TTC7B: variants seen among roughly 807,000 people sequenced by gnomAD.
The protein encoded by TTC7B is tetratricopeptide repeat protein 7B.
Under a neutral mutation model 106.8 loss-of-function variants are expected in TTC7B, and 28 were observed. The observed-to-expected ratio is 0.26, with a 90% CI of 0.19 to 0.36. The LOEUF is 0.36. Ranked by LOEUF, TTC7B falls within the 10% of genes least tolerant of loss-of-function variation. The pLI, the probability that TTC7B is intolerant of heterozygous loss-of-function variation, is 1.00. For synonymous variants in TTC7B, 405 were observed against 430.6 expected (o/e 0.94, Z 0.74); for missense variants, 862 against 1,076.4 (o/e 0.80, Z 2.79).
intron 6 of TTC7B, among the ~76,000 whole-genome samples, chr14:90,694,583 C>CACATATATTATAAATATATGTATA: frequency 7.3e-6 from 1 of 136,644 alleles, no homozygotes; most frequent in East Asian, 2.1e-4. Flanking sequence ...ATGTATAATA[C>CACATATATTATAAATATATGTATA]ATATATGTCA....
At chr14:90,635,816 G>T (rs536409259) in intron 15 of TTC7B, among the ~76,000 whole-genome samples, 2 of 145,754 alleles carry the variant, frequency 1.4e-5, no homozygotes, top group African/African-American at 2.5e-5. Context: ...CATCCAAAAC[G>T]TATTTTAAAA....
rs1396974996 is a variant in TTC7B at position 90,534,116 on chromosome 14, C to T, written c.*7252G>A. ...AGCAGGTGCAGAGCTGGAGTGGGTC[C>T]CCCACGGTGTGACCTTGAGGGGGGG... On this transcript the variant is annotated 3_prime_UTR_variant, in exon 20 of 20. Coordinates refer to ENST00000328459, the MANE Select transcript of TTC7B (RefSeq NM_001010854.2). 6.6e-6 allele frequency: 1 copy of T among 152,434 alleles called. No homozygotes were observed. Among genetic ancestry groups the T allele is most frequent in the Non-Finnish European group, 1.5e-5 (1 of 68,182 alleles). The allele number at this position is 152,434 out of a possible 1,614,324, so 9.4% of individuals were successfully genotyped here. A position where few individuals can be genotyped will look rare whatever the true frequency, so the allele number is the denominator to read the frequency against.
At chr14:90,768,683 C>A (rs899851261) in intron 3 of TTC7B, among the ~76,000 whole-genome samples, 1 of 152,182 alleles carries the variant, frequency 6.6e-6, no homozygotes, top group Non-Finnish European at 1.5e-5. Context: ...ACCACTAGAA[C>A]TGCCCTGCAA....
chr14:90,801,038 C>T (rs542959814), intron 1 of TTC7B, among the ~76,000 whole-genome samples: 10 of 151,264 alleles, frequency 6.6e-5, no homozygotes, highest in South Asian at 4.2e-4. Context: ...TTATGGTGCA[C>T]GCATAGTGAG....
intron 4 of TTC7B, 48 bp from the exon 5 acceptor site, chr14:90,730,244 T>C (rs1274424008): frequency 1.3e-6 from 2 of 1,571,286 alleles, no homozygotes; most frequent in Non-Finnish European, 1.7e-6. Context: ...CATCCAAGCC[T>C]ACTTCCTTCA....
intron 16 of TTC7B, among the ~76,000 whole-genome samples, chr14:90,613,133 T>G (rs1046722824): frequency 6.6e-6 from 1 of 152,248 alleles, no homozygotes; most frequent in Non-Finnish European, 1.5e-5. Flanking sequence ...CAATGGTTCA[T>G]GCCTGTCATC....
intron 4 of TTC7B, 57 bp downstream of exon 4, chr14:90,744,735 C>A: frequency 6.3e-7 from 1 of 1,574,956 alleles, no homozygotes; most frequent in Admixed American, 1.8e-5. Flanking sequence ...TCTCAGTTGT[C>A]CACTATCTGA....
chr14:90,742,835 T>C lies in TTC7B; in HGVS notation c.576+1957A>G, dbSNP rs1267268011. Among the ~76,000 whole-genome samples the C allele has an allele frequency of 1.3e-5, 2 of 152,244 alleles. No individual in the cohort carries two copies. Among genetic ancestry groups the C allele is most frequent in the East Asian group, 3.8e-4 (2 of 5,196 alleles). On this transcript the variant is annotated intron_variant, in intron 4 of 19. Transcript: ENST00000328459. This position sits in a 1 kb window ranked among gnomAD's most constrained non-coding sequence, Gnocchi z 4.1. The stretch of plus-strand genomic sequence containing the variant: ...AAGTGTATTCAGATCTACCAATTCC[T>C]ACATCACTACAGACACATGTAACAC...
intron 19 of TTC7B, among the ~76,000 whole-genome samples, chr14:90,564,554 T>C (rs1203343831): frequency 2.0e-5 from 3 of 152,200 alleles, no homozygotes; most frequent in Admixed American, 6.5e-5. Context: ...ACTTCTCCTT[T>C]GTAGCTATGA....
At chr14:90,765,278 T>G (rs1175683980) in intron 3 of TTC7B, among the ~76,000 whole-genome samples, 2 of 152,192 alleles carry the variant, frequency 1.3e-5, no homozygotes, top group East Asian at 1.9e-4. Flanking sequence ...GGGTATAGAT[T>G]AGTGGTTGAC....
intron 19 of TTC7B, among the ~76,000 whole-genome samples, chr14:90,547,629 C>T (rs531382965): frequency 6.6e-6 from 1 of 152,306 alleles, no homozygotes; most frequent in Admixed American, 6.5e-5. Context: ...AACTCCGTCG[C>T]CACTAAAAAA....
At chr14:90,567,087 C>T (rs915015980) in intron 19 of TTC7B, among the ~76,000 whole-genome samples, 5 of 152,258 alleles carry the variant, frequency 3.3e-5, no homozygotes, top group Middle Eastern at 3.4e-3. Flanking sequence ...AGCAGGCATC[C>T]GTGGATCTGT....
rs562147318 is a variant in TTC7B, at chr14:90,524,950, G to A, written c.*16418C>T. The A allele has an allele frequency of 5.3e-5, 8 of 152,038 alleles. No individual in the cohort carries two copies. Among genetic ancestry groups the A allele is most frequent in the Non-Finnish European group, 1.0e-4 (7 of 68,016 alleles). The allele number at this position is 152,038 out of a possible 1,614,324, so 9.4% of individuals were successfully genotyped here. On this transcript the variant is annotated 3_prime_UTR_variant, in exon 20 of 20. Coordinates refer to ENST00000328459, the MANE Select transcript of TTC7B (RefSeq NM_001010854.2). ...CTTATGAAGATGTGATTGGCACGTAGTAAAGCGCAAGCATTTAAAGTATAC... is the reference window on the plus strand; with the variant it reads ...CTTATGAAGATGTGATTGGCACGTAATAAAGCGCAAGCATTTAAAGTATAC...
At chr14:90,780,681 A>C in intron 3 of TTC7B, 57 bp downstream of exon 3, 1 of 1,565,670 alleles carries the variant, frequency 6.4e-7, no homozygotes, top group Middle Eastern at 2.1e-4. Flanking sequence ...GGCAGCTCCG[A>C]AGAGGCGCTG....
chr14:90,757,536 A>G lies in TTC7B; in HGVS notation c.446-12614T>C, dbSNP rs1890343574. Reference sequence around the variant, plus strand: ...CTGTCCTCTCTTTGCAAATGAGGAGATTCAAGCTCAGAGATGATTTGCCCA... The same window carrying G: ...CTGTCCTCTCTTTGCAAATGAGGAGGTTCAAGCTCAGAGATGATTTGCCCA... On this transcript the variant is annotated intron_variant, in intron 3 of 19. Transcript: ENST00000328459. This position sits in a 1 kb window ranked among gnomAD's most constrained non-coding sequence, Gnocchi z 4.1. 6.6e-6 allele frequency among the ~76,000 whole-genome samples: 1 copy of G among 152,196 alleles called. No homozygotes were observed. Among genetic ancestry groups the G allele is most frequent in the East Asian group, 1.9e-4 (1 of 5,194 alleles).
chr14:90,657,057 G>A lies in TTC7B; in HGVS notation c.1341+117C>T. On this transcript the variant is annotated intron_variant, in intron 11 of 19. Coordinates refer to ENST00000328459, the MANE Select transcript of TTC7B (RefSeq NM_001010854.2). The surrounding 1 kb of genome is among the most constrained non-coding windows in gnomAD (Gnocchi z 4.2). ...AGGGTCCGTGGCTCTACACAGTCTT[G>A]TCTTTGTACAGCTGATGAATCACCC... 2.2e-6 allele frequency: 2 copies of A among 905,970 alleles called. No individual in the cohort carries two copies. Among genetic ancestry groups the A allele is most frequent in the Admixed American group, 2.3e-5 (1 of 43,132 alleles). 56.1% of individuals were successfully genotyped at this position (905,970 alleles called of 1,614,324 possible). A position where few individuals can be genotyped will look rare whatever the true frequency, so the allele number is the denominator to read the frequency against.
chr14:90,553,913 T>C (rs2139775274), intron 19 of TTC7B, among the ~76,000 whole-genome samples: 1 of 152,374 alleles, frequency 6.6e-6, no homozygotes, highest in Admixed American at 6.5e-5. Context: ...AAAGCTGCTT[T>C]CTTCCAGGAT....
intron 17 of TTC7B, 93 bp from the exon 18 acceptor site, chr14:90,593,719 C>CA (rs1892076762): frequency 8.1e-7 from 1 of 1,229,610 alleles, no homozygotes; most frequent in Non-Finnish European, 1.1e-6. Context: ...GGAACACACA[C>CA]ACCCCTTCCC....
chr14:90,697,358 A>G (rs1394519844), intron 5 of TTC7B: 1 of 147,094 alleles, frequency 6.8e-6, no homozygotes, highest in Non-Finnish European at 1.5e-5. Flanking sequence ...GTTATGACAC[A>G]GAAGTGAAGG....
Sources: allele counts gnomAD v4.1 joint callset (sites outside exome capture counted in the v4.1 genomes callset), GRCh38; gene constraint gnomAD v4.1.1; non-coding constraint Gnocchi (gnomAD v3.1); transcripts MANE v1.5; gene names NCBI Gene and HGNC (gene_info 2026-07-23, HGNC 2026-07-21).